MAPK8: variants seen among roughly 807,000 people sequenced by gnomAD.
The protein encoded by MAPK8 is mitogen-activated protein kinase 8.
MAPK8 carries 13 observed loss-of-function variants against 52.9 expected under a neutral mutation model. The ratio of observed to expected loss-of-function variants is 0.25; its 90% confidence interval spans 0.16 to 0.39. The LOEUF is 0.39. Ranked by LOEUF, MAPK8 falls within the 10% of genes least tolerant of loss-of-function variation. MAPK8 has a pLI of 1.00. For synonymous variants in MAPK8, 191 were observed against 169.8 expected, an observed-to-expected ratio of 1.12 and a Z score of -0.97; for missense variants, 300 against 519.2, an observed-to-expected ratio of 0.58 and a Z score of 4.10.
intron 1 of MAPK8, among the ~76,000 whole-genome samples, chr10:48,330,687 G>T (rs1844048012): frequency 6.6e-6 from 1 of 152,176 alleles, no homozygotes; most frequent in African/African-American, 2.4e-5. Context: ...TTATCTCCTA[G>T]CACGCAGGTC....
chr10:48,422,962 A>G (rs2043450891), intron 6 of MAPK8, among the ~76,000 whole-genome samples: 1 of 152,198 alleles, frequency 6.6e-6, no homozygotes, highest in South Asian at 2.1e-4. Context: ...TCTTTCTGAC[A>G]TCTATTTGTG....
At chr10:48,333,343 C>G (rs1844331247) in intron 1 of MAPK8, among the ~76,000 whole-genome samples, 1 of 152,172 alleles carries the variant, frequency 6.6e-6, no homozygotes, top group South Asian at 2.1e-4. Context: ...AGGGCCCCAC[C>G]AAAGGTTAGC....
rs71465463 is a variant in MAPK8, at chr10:48,403,917, T to TTGTGTGTGTGTGTGTGTGTG, written c.123-913_123-894dup. ...GTGCCTGCCACCACGCCCGGCTAAT[T>TTGTGTGTGTGTGTGTGTGTG]TGTGTGTGTGTGTGTGTGTGTGTGT... On this transcript the variant is annotated intron_variant, in intron 2 of 11. Coordinates refer to ENST00000374189, the MANE Select transcript of MAPK8 (RefSeq NM_001323329.2). Among the ~76,000 whole-genome samples, 93 of 125,738 alleles carry TTGTGTGTGTGTGTGTGTGTG rather than the reference T, an allele frequency of 7.4e-4. 3 individuals are homozygous for TTGTGTGTGTGTGTGTGTGTG. The highest frequency in any genetic ancestry group is 4.1e-3 in the Middle Eastern group (1 of 246). 82.5% of individuals were successfully genotyped at this position (125,738 alleles called of 152,430 possible).
intron 1 of MAPK8, among the ~76,000 whole-genome samples, chr10:48,322,952 T>C (rs1034100555): frequency 6.6e-6 from 1 of 152,196 alleles, no homozygotes; most frequent in African/African-American, 2.4e-5. Context: ...GTACGATAAT[T>C]GGTTTGAATT....
At chr10:48,381,914 T>C (rs1037247156) in intron 1 of MAPK8, among the ~76,000 whole-genome samples, 5 of 152,174 alleles carry the variant, frequency 3.3e-5, no homozygotes, top group African/African-American at 1.2e-4. Flanking sequence ...ACTACCCACG[T>C]GGCACCCAAG....
At chr10:48,422,715 A>T (rs888131018) in intron 6 of MAPK8, among the ~76,000 whole-genome samples, 14 of 152,030 alleles carry the variant, frequency 9.2e-5, no homozygotes, top group African/African-American at 2.7e-4. Context: ...TAAATATTAA[A>T]TTTTTTTTCT....
intron 1 of MAPK8, among the ~76,000 whole-genome samples, chr10:48,377,837 C>A (rs573417346): frequency 6.6e-6 from 1 of 152,164 alleles, no homozygotes; most frequent in East Asian, 1.9e-4. Flanking sequence ...ACAAAAGTTG[C>A]TTATCAGGAA....
At position 48,321,092 on chromosome 10, in the gene MAPK8, T is replaced by TG. The variant is rs199589560; in HGVS notation, c.-50+14271_-50+14272insG. ...ATCTTTTTATTACGTTGTAAGAGTT[T>TG]TTTTTTTTTTTTTTTTTTTTAAGAG... On this transcript the variant is annotated intron_variant, in intron 1 of 11. Transcript: ENST00000374189. Among the ~76,000 whole-genome samples, 368 of 147,756 alleles carry TG rather than the reference T, an allele frequency of 2.5e-3. 8 individuals are homozygous for TG. In the East Asian group the frequency reaches 0.06, roughly 24 times the overall value.
At chr10:48,392,698 A>C (rs1253658197) in intron 1 of MAPK8, among the ~76,000 whole-genome samples, 1 of 151,992 alleles carries the variant, frequency 6.6e-6, no homozygotes, top group Non-Finnish European at 1.5e-5. Context: ...TTTTGTTAGC[A>C]TATAAACATG....
chr10:48,424,433 G>A (rs1334198041), intron 7 of MAPK8: 1 of 868,474 alleles, frequency 1.2e-6, no homozygotes, highest in Non-Finnish European at 1.8e-6. Context: ...AGTATACATG[G>A]TGTGTGTGAT....
intron 1 of MAPK8, among the ~76,000 whole-genome samples, chr10:48,367,950 G>C (rs734371): frequency 0.54 from 82,052 of 151,938 alleles, 22,371 homozygotes; most frequent in Middle Eastern, 0.73. Flanking sequence ...TGAGAGAAGA[G>C]AGAATTAAAT....
chr10:48,360,170 G>GA (rs919164788), intron 1 of MAPK8, among the ~76,000 whole-genome samples: 5 of 148,658 alleles, frequency 3.4e-5, no homozygotes, highest in East Asian at 3.9e-4. Flanking sequence ...CTGTCTAAAA[G>GA]AAAAAAAAAG....
At chr10:48,420,740 T>C (rs1266922355) in intron 6 of MAPK8, among the ~76,000 whole-genome samples, 2 of 152,194 alleles carry the variant, frequency 1.3e-5, no homozygotes, top group Admixed American at 6.5e-5. Context: ...GTAGCACTCA[T>C]TGTAAATTTT....
chr10:48,411,590 A>G (rs1348123444), intron 5 of MAPK8, among the ~76,000 whole-genome samples: 7 of 152,144 alleles, frequency 4.6e-5, no homozygotes, highest in Admixed American at 2.0e-4. Flanking sequence ...ATATTGTTTT[A>G]GCTTTTCAGA....
Position 48,437,977 on chromosome 10 carries a change from T to A in MAPK8, c.*2948T>A, listed in dbSNP as rs1454101499. The A allele has an allele frequency of 6.6e-6, 1 of 152,258 alleles. No homozygotes were observed. Among genetic ancestry groups the A allele is most frequent in the East Asian group, 1.9e-4 (1 of 5,208 alleles). 9.4% of individuals were successfully genotyped at this position (152,258 alleles called of 1,614,324 possible). A position where few individuals can be genotyped will look rare whatever the true frequency, so the allele number is the denominator to read the frequency against. ...TCATCAGCAGGAAAGTGAAGCTCTT[T>A]CCTTGGTTACAGATAAGACTTGGTT... On this transcript the variant is annotated 3_prime_UTR_variant, in exon 12 of 12. Coordinates refer to ENST00000374189, the MANE Select transcript of MAPK8 (RefSeq NM_001323329.2).
intron 1 of MAPK8, among the ~76,000 whole-genome samples, chr10:48,395,467 A>C (rs1206250776): frequency 6.6e-6 from 1 of 152,066 alleles, no homozygotes; most frequent in Admixed American, 6.5e-5. Flanking sequence ...CAAAACAATG[A>C]ATCTTAACCT....
intron 6 of MAPK8, 46 bp from the exon 7 acceptor site, chr10:48,424,042 T>C (rs1429295001): frequency 2.0e-6 from 3 of 1,478,644 alleles, no homozygotes; most frequent in Non-Finnish European, 2.8e-6. Flanking sequence ...TTGATTTTAA[T>C]GACCTTTTGC....
intron 7 of MAPK8, chr10:48,425,365 T>C (rs1785522318): frequency 6.5e-6 from 3 of 461,666 alleles, no homozygotes; most frequent in Non-Finnish European, 1.2e-5. Context: ...AAACCTAAGC[T>C]AAACAAAGAA....
At position 48,378,536 on chromosome 10, in the gene MAPK8, T is replaced by C. The variant is rs147226086; in HGVS notation, c.-49-23076T>C. 2.7e-3 allele frequency among the ~76,000 whole-genome samples: 411 copies of C among 152,240 alleles called. 1 individual carries two copies. The highest frequency in any genetic ancestry group is 0.01 in the Middle Eastern group (3 of 292). ...CATTAGGGAGCCAACAACAAAATCT[T>C]GAAAAAAATTAAAACCTGGTTCTTC... On this transcript the variant is annotated intron_variant, in intron 1 of 11. Coordinates refer to ENST00000374189, the MANE Select transcript of MAPK8 (RefSeq NM_001323329.2).
Sources: gnomAD v4.1 joint callset for allele counts (sites outside exome capture counted in the v4.1 genomes callset) on GRCh38, gnomAD v4.1.1 for gene constraint, MANE v1.5 for transcripts, NCBI Gene and HGNC (gene_info 2026-07-23, HGNC 2026-07-21) for gene names.